The following IGF2BP3 variants were observed in gnomAD, a reference collection of about 807,000 sequenced individuals.
IGF2BP3 encodes the protein insulin like growth factor 2 mRNA binding protein 3, also known as insulin-like growth factor 2 mRNA-binding protein 3.
Under a neutral mutation model 73.8 loss-of-function variants are expected in IGF2BP3, and 9 were observed. The ratio of observed to expected loss-of-function variants is 0.12; its 90% CI spans 0.07 to 0.21. The LOEUF (loss-of-function observed/expected upper bound fraction) is 0.21. Ranked by LOEUF, IGF2BP3 falls within the 10% of genes least tolerant of loss-of-function variation. The probability of loss-of-function intolerance (pLI) is 1.00; values close to 1 mark genes in which losing one functional copy is unlikely to be tolerated. For synonymous variants in IGF2BP3, 258 were observed against 256.7 expected, an observed-to-expected ratio of 1.01 and a Z score of -0.05; for missense variants, 542 against 714.0, an observed-to-expected ratio of 0.76 and a Z score of 2.75.
rs544799393 is a variant in IGF2BP3, at chr7:23,414,866, C to T, written c.285+3910G>A. On this transcript the variant is annotated intron_variant, in intron 3 of 14. Coordinates refer to ENST00000258729, the MANE Select transcript of IGF2BP3 (RefSeq NM_006547.3). ...ACATCAGCAGGCCCTGTCCGTCAGT[C>T]GGCATCCCCACATCCGCAGGTCCCT... 678 of 178,018 alleles carry T rather than the reference C, an allele frequency of 3.8e-3. 5 individuals are homozygous for T. The highest frequency in any genetic ancestry group is 0.016 in the African/African-American group (646 of 41,630). 11.0% of individuals were successfully genotyped at this position (178,018 alleles called of 1,614,324 possible).
chr7:23,312,980 G>A, intron 13 of IGF2BP3, 132 bp from the exon 14 acceptor site: 1 of 611,362 alleles, frequency 1.6e-6, no homozygotes, highest in Non-Finnish European at 2.9e-6. Context: ...AATTCCATGA[G>A]GTTATTAGAA....
chr7:23,371,154 AACAC>A (rs60859365), intron 3 of IGF2BP3, among the ~76,000 whole-genome samples: 1 of 148,792 alleles, frequency 6.7e-6, no homozygotes, highest in African/African-American at 2.4e-5. Flanking sequence ...ACACCTTGCC[AACAC>A]ACACACACAC....
intron 2 of IGF2BP3, among the ~76,000 whole-genome samples, chr7:23,457,835 G>A (rs1584066627): frequency 6.6e-6 from 1 of 152,182 alleles, no homozygotes; most frequent in Non-Finnish European, 1.5e-5. Context: ...TAATCTGAAT[G>A]TGCACATATG....
chr7:23,468,680 G>C (rs1788628610), intron 1 of IGF2BP3, 138 bp from the exon 2 acceptor site: 1 of 824,102 alleles, frequency 1.2e-6, no homozygotes, highest in South Asian at 1.5e-5. Flanking sequence ...GCGGCTCCAG[G>C]CGGAGGGAGA....
chr7:23,396,872 C>T, intron 3 of IGF2BP3, among the ~76,000 whole-genome samples: 1 of 152,188 alleles, frequency 6.6e-6, no homozygotes, highest in Non-Finnish European at 1.5e-5. Context: ...ATTCACAGTG[C>T]AGCAGGGCGA....
chr7:23,388,607 CTTT>C (rs35723715), intron 3 of IGF2BP3, among the ~76,000 whole-genome samples: 4 of 124,010 alleles, frequency 3.2e-5, no homozygotes, highest in Non-Finnish European at 5.0e-5. Context: ...TCTTCTCCAT[CTTT>C]TTTTTTTTTT....
In IGF2BP3 at chr7:23,470,056, C is replaced by T. The variant is rs1411182650; in HGVS notation, c.55G>A (p.Glu19Lys). Residue 19 changes from glutamate to lysine, a missense_variant, in exon 1 of 15, where the codon GAA becomes AAA. Around this residue, in one of 2 missense-constraint regions of IGF2BP3, gnomAD observed 239 missense variants for 241.9 expected, o/e 0.99. Coordinates refer to ENST00000258729, the MANE Select transcript of IGF2BP3 (RefSeq NM_006547.3). ...LSENAAPSDL[E>K]SIFKDAKIPV... is the part of the protein sequence containing the mutation. ...ATCTTGGCGTCCTTGAAGATACTTT[C>T]TAGGTCCGAGGGGGCGGCGTTCTCG... 6.2e-7 allele frequency: 1 copy of T among 1,611,532 alleles called. No individual in the cohort carries two copies. Among genetic ancestry groups the T allele is most frequent in the South Asian group, 1.1e-5 (1 of 90,772 alleles).
At chr7:23,456,685 G>A (rs1788326633) in intron 2 of IGF2BP3, among the ~76,000 whole-genome samples, 1 of 152,178 alleles carries the variant, frequency 6.6e-6, no homozygotes, top group East Asian at 1.9e-4. Context: ...TACTCAAACG[G>A]TCTCACTGCA....
At chr7:23,321,551 C>A (rs1264921777) in intron 10 of IGF2BP3, among the ~76,000 whole-genome samples, 1 of 152,208 alleles carries the variant, frequency 6.6e-6, no homozygotes, top group Admixed American at 6.5e-5. Context: ...CCAGGACGCT[C>A]GAACTGGGTG....
chr7:23,354,390 A>C lies in IGF2BP3; in HGVS notation c.402-2804T>G, dbSNP rs182574552. On this transcript the variant is annotated intron_variant, in intron 5 of 14. Transcript: ENST00000258729. ...CTGAAGGCATCAATTACATCTAGGC[A>C]TAAAAGGTAATCTAGGCTTTTTCAT... Among the ~76,000 whole-genome samples, 9 of 152,386 alleles carry C rather than the reference A, an allele frequency of 5.9e-5. No homozygotes were observed. The East Asian group carries it at 1.3e-3, about 23-fold the overall frequency.
At chr7:23,443,516 A>G (rs557804143) in intron 2 of IGF2BP3, among the ~76,000 whole-genome samples, 82 of 152,010 alleles carry the variant, frequency 5.4e-4, no homozygotes, top group African/African-American at 1.9e-3. Context: ...AAACACAAAA[A>G]TTAGCCAGGT....
At chr7:23,447,157 C>T (rs1386951077) in intron 2 of IGF2BP3, among the ~76,000 whole-genome samples, 1 of 151,730 alleles carries the variant, frequency 6.6e-6, no homozygotes, top group East Asian at 1.9e-4. Flanking sequence ...GCCGAGATCG[C>T]GCCACTGCAC....
chr7:23,455,151 T>C (rs1375880582), intron 2 of IGF2BP3, among the ~76,000 whole-genome samples: 5 of 152,190 alleles, frequency 3.3e-5, no homozygotes, highest in Non-Finnish European at 7.3e-5. Flanking sequence ...ATTTGCTAAA[T>C]GGCATGAACT....
chr7:23,368,974 A>C (rs1785468923), intron 3 of IGF2BP3, among the ~76,000 whole-genome samples: 1 of 152,212 alleles, frequency 6.6e-6, no homozygotes, highest in Non-Finnish European at 1.5e-5. Flanking sequence ...TGTGAATTAT[A>C]TCTCAATAAA....
intron 12 of IGF2BP3, 54 bp downstream of exon 12, chr7:23,317,585 G>T: frequency 2.2e-6 from 3 of 1,342,498 alleles, no homozygotes; most frequent in Non-Finnish European, 3.2e-6. Flanking sequence ...CCAGGTTATG[G>T]ACTACCTGTG....
At chr7:23,422,345 C>T in intron 2 of IGF2BP3, among the ~76,000 whole-genome samples, 1 of 152,110 alleles carries the variant, frequency 6.6e-6, no homozygotes, top group Non-Finnish European at 1.5e-5. Context: ...GTGGCTCATG[C>T]CTGTAATCCC....
chr7:23,388,126 G>A (rs687204), intron 3 of IGF2BP3, among the ~76,000 whole-genome samples: 19,336 of 151,842 alleles, frequency 0.13, 2,827 homozygotes, highest in African/African-American at 0.35. Flanking sequence ...TTTAGTAGAG[G>A]CGGGGTTTCA....
At chr7:23,325,723 A>G (rs1049222757) in intron 10 of IGF2BP3, among the ~76,000 whole-genome samples, 2 of 152,238 alleles carry the variant, frequency 1.3e-5, no homozygotes, top group African/African-American at 4.8e-5. Flanking sequence ...ACCAAAACAG[A>G]GATATAGATC....
intron 3 of IGF2BP3, among the ~76,000 whole-genome samples, chr7:23,363,071 A>G (rs1242456861): frequency 6.6e-6 from 1 of 152,192 alleles, no homozygotes; most frequent in African/African-American, 2.4e-5. Flanking sequence ...GCAAAGTTAA[A>G]AGGGCGGTTC....
Sources: gnomAD v4.1 joint callset for allele counts (sites outside exome capture counted in the v4.1 genomes callset) on GRCh38, gnomAD v4.1.1 for gene constraint, gnomAD v4.1.1 regional missense constraint, MANE v1.5 for transcripts, NCBI Gene and HGNC (gene_info 2026-07-23, HGNC 2026-07-21) for gene names.